The following ELP4 variants were observed in gnomAD, a reference collection of about 807,000 sequenced individuals.
The protein encoded by ELP4 is elongator acetyltransferase complex subunit 4.
ELP4 carries 51 observed loss-of-function variants against 48.9 expected under a neutral mutation model. That is an observed-to-expected ratio of 1.04 (90% CI 0.83 to 1.32). The LOEUF is 1.32. Ranked by LOEUF, ELP4 falls within the 40% of genes most tolerant of loss-of-function variation. The probability of loss-of-function intolerance (pLI) is 0.00; values close to 1 mark genes in which losing one functional copy is unlikely to be tolerated. For missense variants in ELP4, 519 were observed against 514.6 expected (o/e 1.01, Z -0.08); for synonymous variants, 210 against 189.2 (o/e 1.11, Z -0.90).
intron 9 of ELP4, among the ~76,000 whole-genome samples, chr11:31,776,978 T>A (rs1948261483): frequency 6.6e-6 from 1 of 152,190 alleles, no homozygotes; most frequent in Non-Finnish European, 1.5e-5. Context: ...AATATTTGGT[T>A]CTGGCATTGT....
intron 3 of ELP4, among the ~76,000 whole-genome samples, chr11:31,573,138 ATGTT>A (rs1315536219): frequency 6.6e-6 from 1 of 152,204 alleles, no homozygotes; most frequent in Non-Finnish European, 1.5e-5. Context: ...GTTTGAGTAA[ATGTT>A]CACAGTTTTA....
At chr11:31,674,397 T>C (rs551761068) in intron 9 of ELP4, among the ~76,000 whole-genome samples, 3 of 152,298 alleles carry the variant, frequency 2.0e-5, no homozygotes, top group African/African-American at 7.2e-5. Flanking sequence ...TTGCATGCCA[T>C]TGGCCACTTA....
In ELP4 at chr11:31,668,675, C is replaced by CGTGTGTGTGTGT. The variant is rs367795416; in HGVS notation, c.1143+18489_1143+18500dup. Among the ~76,000 whole-genome samples the CGTGTGTGTGTGT allele has an allele frequency of 3.9e-3, 478 of 121,092 alleles. 4 individuals are homozygous for CGTGTGTGTGTGT. The highest frequency in any genetic ancestry group is 6.2e-3 in the Non-Finnish European group (363 of 58,666). The allele number at this position is 121,092 out of a possible 152,430, so 79.4% of individuals were successfully genotyped here. A position where few individuals can be genotyped will look rare whatever the true frequency, so the allele number is the denominator to read the frequency against. On this transcript the variant is annotated intron_variant, in intron 9 of 9. Coordinates refer to ENST00000640961, the MANE Select transcript of ELP4 (RefSeq NM_019040.5). ...ATCGGAATGAAATTTCCTTTGGTACCGTGTGTGTGTGTGTGTGTGTGTGTG... is the reference window on the plus strand; with the variant it reads ...ATCGGAATGAAATTTCCTTTGGTACCGTGTGTGTGTGTGTGTGTGTGTGTGTGTGTGTGTGTG...
At chr11:31,698,791 A>T (rs1427231230) in intron 9 of ELP4, among the ~76,000 whole-genome samples, 1 of 152,104 alleles carries the variant, frequency 6.6e-6, no homozygotes. Context: ...TAATACAGTT[A>T]TGGAAATGGA....
chr11:31,592,038 C>G (rs78589234), intron 3 of ELP4, among the ~76,000 whole-genome samples: 324 of 152,220 alleles, frequency 2.1e-3, no homozygotes, highest in African/African-American at 7.4e-3. Flanking sequence ...AGGAAATGTC[C>G]AGAACGACTA....
At chr11:31,783,341 AT>A (rs746555516) in intron 9 of ELP4, 51 bp from the exon 10 acceptor site, 35 of 1,568,516 alleles carry the variant, frequency 2.2e-5, no homozygotes, top group East Asian at 1.1e-4. Context: ...AGCAAAATTA[AT>A]TTTTTTTCTT....
At chr11:31,549,226 C>T (rs1034599390) in intron 3 of ELP4, among the ~76,000 whole-genome samples, 1 of 151,376 alleles carries the variant, frequency 6.6e-6, no homozygotes, top group African/African-American at 2.4e-5. Context: ...AAAATTTTCG[C>T]AACCTACTCA....
intron 9 of ELP4, chr11:31,689,360 TG>T (rs1214832729): frequency 4.6e-5 from 7 of 151,364 alleles, no homozygotes; most frequent in African/African-American, 7.3e-5. Flanking sequence ...AAGGATCACT[TG>T]AGCGCAGGAG....
intron 1 of ELP4, among the ~76,000 whole-genome samples, chr11:31,515,120 G>A (rs1956087776): frequency 6.7e-6 from 1 of 150,184 alleles, no homozygotes; most frequent in Non-Finnish European, 1.5e-5. Context: ...AAAAGCTTTA[G>A]TTAATAAGTT....
Position 31,593,481 on chromosome 11 carries a change from T to C in ELP4, c.382-1289T>C, listed in dbSNP as rs112825256. 3.9e-3 allele frequency among the ~76,000 whole-genome samples: 594 copies of C among 152,244 alleles called. 6 individuals carry two copies. The highest frequency in any genetic ancestry group is 0.014 in the African/African-American group (567 of 41,542). ...CTGGTCTCAAACTCCTGAACTCAAG[T>C]GATCCCCCCCTACCTTGGCCTCCCA... is the stretch of plus-strand genomic sequence containing the variant. On this transcript the variant is annotated intron_variant, in intron 3 of 9. Coordinates refer to ENST00000640961, the MANE Select transcript of ELP4 (RefSeq NM_019040.5).
intron 9 of ELP4, chr11:31,654,658 A>G (rs1001485432): frequency 3.3e-5 from 5 of 151,884 alleles, no homozygotes; most frequent in South Asian, 4.1e-4. Context: ...ACTCTTACCA[A>G]TTACAGGACA....
At chr11:31,712,899 T>C (rs1169064687) in intron 9 of ELP4, among the ~76,000 whole-genome samples, 1 of 152,156 alleles carries the variant, frequency 6.6e-6, no homozygotes, top group Non-Finnish European at 1.5e-5. Context: ...TATTCCACCT[T>C]GCCTGAATGA....
intron 2 of ELP4, among the ~76,000 whole-genome samples, chr11:31,524,459 GT>G (rs1428134807): frequency 6.6e-6 from 1 of 152,146 alleles, no homozygotes; most frequent in African/African-American, 2.4e-5. Context: ...TCAGCAAAAT[GT>G]TATAGGTTTT....
intron 4 of ELP4, among the ~76,000 whole-genome samples, chr11:31,597,313 A>G (rs1235790959): frequency 6.6e-6 from 1 of 152,208 alleles, no homozygotes; most frequent in East Asian, 1.9e-4. Flanking sequence ...TTTAAAAAAT[A>G]GAAGGAAGCT....
intron 5 of ELP4, among the ~76,000 whole-genome samples, chr11:31,619,407 G>T (rs1385271699): frequency 6.6e-6 from 1 of 151,964 alleles, no homozygotes; most frequent in African/African-American, 2.4e-5. Context: ...ATAAACAGCA[G>T]CTTATAAATA....
chr11:31,568,695 T>G (rs1957150457), intron 3 of ELP4, among the ~76,000 whole-genome samples: 1 of 152,144 alleles, frequency 6.6e-6, no homozygotes, highest in African/African-American at 2.4e-5. Context: ...TCCCATTCAA[T>G]AAATAGTGCT....
intron 9 of ELP4, among the ~76,000 whole-genome samples, chr11:31,731,781 A>G (rs1457609331): frequency 6.6e-6 from 1 of 152,204 alleles, no homozygotes. Context: ...TGTCAGAAAT[A>G]AAAGACAGAA....
chr11:31,513,814 CGTG>C (rs1565029544), intron 1 of ELP4, among the ~76,000 whole-genome samples: 1 of 152,054 alleles, frequency 6.6e-6, no homozygotes, highest in African/African-American at 2.4e-5. Context: ...TTTTGAAAAT[CGTG>C]GAAGATACTG....
intron 3 of ELP4, among the ~76,000 whole-genome samples, chr11:31,542,827 A>G (rs983523672): frequency 2.0e-5 from 3 of 152,030 alleles, no homozygotes; most frequent in Admixed American, 6.5e-5. Context: ...AGAAAAATCA[A>G]TTAAAACAAA....
Sources: gnomAD v4.1 joint callset for allele counts (sites outside exome capture counted in the v4.1 genomes callset) on GRCh38, gnomAD v4.1.1 for gene constraint, MANE v1.5 for transcripts, NCBI Gene and HGNC (gene_info 2026-07-23, HGNC 2026-07-21) for gene names.